Variants in ENPP5 observed in about 807,000 individuals in gnomAD.
The protein encoded by ENPP5 is ectonucleotide pyrophosphatase/phosphodiesterase family member 5.
Under a neutral mutation model 33.7 loss-of-function variants are expected in ENPP5, and 27 were observed. The ratio of observed to expected loss-of-function variants is 0.80; its 90% CI spans 0.59 to 1.11. The LOEUF is 1.11. Ranked by LOEUF, ENPP5 falls within the 50% of genes least tolerant of loss-of-function variation. ENPP5 has a pLI of 0.00. For missense variants in ENPP5, 552 were observed against 579.2 expected (o/e 0.95, Z 0.48); for synonymous variants, 199 against 200.5 (o/e 0.99, Z 0.06).
chr6:46,167,308 C>A, intron 3 of ENPP5, 126 bp downstream of exon 3: 1 of 663,616 alleles, frequency 1.5e-6, no homozygotes, highest in South Asian at 2.4e-5. Flanking sequence ...GATTAAATCC[C>A]AGAATATTAC....
In ENPP5 at chr6:46,165,532, A is replaced by T; in HGVS notation, c.861T>A (p.Thr287=). 2 of 1,598,288 alleles carry T rather than the reference A, an allele frequency of 1.3e-6. No homozygotes were observed. Among genetic ancestry groups the T allele is most frequent in the Non-Finnish European group, 1.7e-6 (2 of 1,175,262 alleles). The stretch of plus-strand genomic sequence containing the variant: ...AAACAGTAAGATTAGGATGAGCGTG[A>T]GTTAGTGCTTCATAGACTTCATCAA... ...GKFDEVYEAL[T]HAHPNLTVYK... is the part of the protein sequence containing the mutation. Residue 287 remains threonine (T), a synonymous_variant, in exon 4 of 5, where the codon ACT becomes ACA. Transcript: ENST00000371383.
intron 3 of ENPP5, 36 bp from the exon 4 acceptor site, chr6:46,165,599 T>A: frequency 4.9e-6 from 7 of 1,430,926 alleles, no homozygotes; most frequent in Non-Finnish European, 6.5e-6. Context: ...CAGAACAAAA[T>A]ACTCATAGCT....
At chr6:46,162,798 A>C (rs1764429487) in intron 4 of ENPP5, among the ~76,000 whole-genome samples, 1 of 152,312 alleles carries the variant, frequency 6.6e-6, no homozygotes, top group South Asian at 2.1e-4. Context: ...TAAAAATAGC[A>C]CTGAAATTAT....
chr6:46,165,641 G>T (rs1348762308), intron 3 of ENPP5, 78 bp from the exon 4 acceptor site: 5 of 1,163,792 alleles, frequency 4.3e-6, no homozygotes, highest in Non-Finnish European at 5.8e-6. Flanking sequence ...ACTTGCTACG[G>T]AGGTGAAAAA....
At position 46,168,073 on chromosome 6, in the gene ENPP5, C is replaced by T. The variant is rs534843460; in HGVS notation, c.190G>A (p.Val64Ile). The T allele has an allele frequency of 5.0e-6, 8 of 1,614,028 alleles. No homozygotes were observed. In the African/African-American group the frequency reaches 9.3e-5, roughly 19 times the overall value. ...GTTTTTGTAATAAAAACATTAGTAA[C>T]TTGCTTCACGTGAACACCATATTTC... ...IMKYGVHVKQ[V>I]TNVFITKTYP... is the part of the protein sequence containing the mutation. The change falls in exon 3 of 5, where the codon GTT becomes ATT. Residue 64 changes from valine to isoleucine, a missense_variant. Coordinates refer to ENST00000371383, the MANE Select transcript of ENPP5 (RefSeq NM_001290072.2).
rs1764361615 is a variant in ENPP5 at position 46,160,685 on chromosome 6, T to C, written c.*641A>G. Reference sequence around the variant, plus strand: ...GAGGGAAAAATAAATGAAAACCACGTTCTCTGGAAAGAAATAAGACAAGAA... The same window carrying C: ...GAGGGAAAAATAAATGAAAACCACGCTCTCTGGAAAGAAATAAGACAAGAA... On this transcript the variant is annotated 3_prime_UTR_variant, in exon 5 of 5. Transcript: ENST00000371383. 6.6e-6 allele frequency: 1 copy of C among 152,170 alleles called. No homozygotes were observed. Among genetic ancestry groups the C allele is most frequent in the South Asian group, 2.1e-4 (1 of 4,828 alleles). 9.4% of individuals were successfully genotyped at this position (152,170 alleles called of 1,614,324 possible).
Position 46,160,836 on chromosome 6 carries a change from G to A in ENPP5, c.*490C>T, listed in dbSNP as rs186370865. On this transcript the variant is annotated 3_prime_UTR_variant, in exon 5 of 5. Transcript: ENST00000371383. ...TCAATTTATGGAGATAGATTTCTAC[G>A]TTCATTATTCGGGATTATTAGAAAT... 164 of 155,498 alleles carry A rather than the reference G, an allele frequency of 1.1e-3. No homozygotes were observed. The highest frequency in any genetic ancestry group is 3.8e-3 in the African/African-American group (156 of 41,538). 9.6% of individuals were successfully genotyped at this position (155,498 alleles called of 1,614,324 possible).
Position 46,160,799 on chromosome 6 carries a change from C to A in ENPP5, c.*527G>T. Reference sequence around the variant, plus strand: ...ACATTTAATTTTCAACACTTATCACCTTCTTCTTCTCTCAATTTATGGAGA... The same window carrying A: ...ACATTTAATTTTCAACACTTATCACATTCTTCTTCTCTCAATTTATGGAGA... On this transcript the variant is annotated 3_prime_UTR_variant, in exon 5 of 5. Coordinates refer to ENST00000371383, the MANE Select transcript of ENPP5 (RefSeq NM_001290072.2). 1 of 154,358 alleles carries A rather than the reference C, an allele frequency of 6.5e-6. No homozygotes were observed. Among genetic ancestry groups the A allele is most frequent in the Admixed American group, 6.4e-5 (1 of 15,738 alleles). The allele number at this position is 154,358 out of a possible 1,614,324, so 9.6% of individuals were successfully genotyped here. A position where few individuals can be genotyped will look rare whatever the true frequency, so the allele number is the denominator to read the frequency against.
Position 46,159,579 on chromosome 6 carries a change from A to G in ENPP5, c.*1747T>C, listed in dbSNP as rs1230385474. On this transcript the variant is annotated 3_prime_UTR_variant, in exon 5 of 5. Coordinates refer to ENST00000371383, the MANE Select transcript of ENPP5 (RefSeq NM_001290072.2). The stretch of plus-strand genomic sequence containing the variant: ...CTTTTTAATCTATAGGCCATTTCCA[A>G]TTATTTGATTCTATTCTATTAAGAG... 7.0e-6 allele frequency: 1 copy of G among 143,084 alleles called. No homozygotes were observed. Among genetic ancestry groups the G allele is most frequent in the Admixed American group, 7.1e-5 (1 of 14,082 alleles). 8.9% of individuals were successfully genotyped at this position (143,084 alleles called of 1,614,324 possible).
intron 2 of ENPP5, among the ~76,000 whole-genome samples, chr6:46,169,533 C>G (rs960760027): frequency 2.0e-5 from 3 of 152,088 alleles, no homozygotes; most frequent in Middle Eastern, 3.2e-3. Context: ...GCTGGGACTA[C>G]AGGCGCCCGC....
Position 46,167,992 on chromosome 6 carries a change from C to T in ENPP5, c.271G>A (p.Val91Ile). ...TGLFAENHGI[V>I]ANDMFDPIRN... is the part of the protein sequence containing the mutation. ...ATAGGATCAAACATATCATTTGCAACAATCCCATGATTCTCTGCAAAGAGG... is the reference window on the plus strand; with the variant it reads ...ATAGGATCAAACATATCATTTGCAATAATCCCATGATTCTCTGCAAAGAGG... The change falls in exon 3 of 5, where the codon GTT becomes ATT. Residue 91 changes from valine (V) to isoleucine (I), a missense_variant. Transcript: ENST00000371383. The T allele has an allele frequency of 2.5e-6, 4 of 1,614,180 alleles. No homozygotes were observed. Among genetic ancestry groups the T allele is most frequent in the Non-Finnish European group, 3.4e-6 (4 of 1,180,022 alleles).
At chr6:46,166,708 T>C (rs1764558141) in intron 3 of ENPP5, among the ~76,000 whole-genome samples, 2 of 152,292 alleles carry the variant, frequency 1.3e-5, no homozygotes, top group Admixed American at 1.3e-4. Context: ...AATTCTCATT[T>C]GTGAAATATT....
chr6:46,165,520 A>C lies in ENPP5; in HGVS notation c.873T>G (p.Pro291=). 6.2e-7 allele frequency: 1 copy of C among 1,607,042 alleles called. No individual in the cohort carries two copies. The highest frequency in any genetic ancestry group is 8.5e-7 in the Non-Finnish European group (1 of 1,178,082). ...EVYEALTHAH[P]NLTVYKKEDV... ...CTTCTTTTTTGTAAACAGTAAGATT[A>C]GGATGAGCGTGAGTTAGTGCTTCAT... is the stretch of plus-strand genomic sequence containing the variant. Residue 291 remains proline (P), a synonymous_variant, in exon 4 of 5, where the codon CCT becomes CCG. Coordinates refer to ENST00000371383, the MANE Select transcript of ENPP5 (RefSeq NM_001290072.2).
Position 46,161,505 on chromosome 6 carries a change from T to C in ENPP5, c.1255A>G (p.Ser419Gly). 1 of 1,613,998 alleles carries C rather than the reference T, an allele frequency of 6.2e-7. No individual in the cohort carries two copies. Among genetic ancestry groups the C allele is most frequent in the Non-Finnish European group, 8.5e-7 (1 of 1,179,888 alleles). ...YTQSTILLPGSVKPAEYDQEG... is the reference protein window; with the variant it reads ...YTQSTILLPGGVKPAEYDQEG... ...TGGTCATATTCTGCTGGTTTAACAC[T>C]ACCAGGGAGGAGTATAGTACTCTGT... The change falls in exon 5 of 5, where the codon AGT becomes GGT. Residue 419 changes from serine to glycine, a missense_variant. Physicochemically the swap from Ser to Gly is moderately conservative, Grantham distance 56 (BLOSUM62 0). Transcript: ENST00000371383.
chr6:46,167,185 T>C (rs542774686), intron 3 of ENPP5, among the ~76,000 whole-genome samples: 1 of 152,264 alleles, frequency 6.6e-6, no homozygotes, highest in Non-Finnish European at 1.5e-5. Context: ...GGATCCAAAA[T>C]GGTTAAAACC....
chr6:46,167,115 A>G (rs889804185), intron 3 of ENPP5, among the ~76,000 whole-genome samples: 27 of 152,170 alleles, frequency 1.8e-4, no homozygotes, highest in Non-Finnish European at 3.7e-4. Context: ...CAAGTTTTGT[A>G]TGTATCTTTC....
At position 46,167,847 on chromosome 6, in the gene ENPP5, C is replaced by T; in HGVS notation, c.416G>A (p.Trp139Ter). The change falls in exon 3 of 5, where the codon TGG (tryptophan) becomes TAG (stop). Residue 139 changes from tryptophan (W) to a stop codon, truncating the protein, a stop_gained. Coordinates refer to ENST00000371383, the MANE Select transcript of ENPP5 (RefSeq NM_001290072.2). LOFTEE classifies it high-confidence loss of function. ...ATGTATTTTTACATCTGTTCCGGGC[C>T]ACATGGCTGCACCACTAGTATGTCC... is the stretch of plus-strand genomic sequence containing the variant. ...RAGHTSGAAM[W>*]PGTDVKIHKR... The T allele has an allele frequency of 1.2e-6, 2 of 1,614,176 alleles. No individual in the cohort carries two copies. The highest frequency in any genetic ancestry group is 1.7e-6 in the Non-Finnish European group (2 of 1,180,046).
In ENPP5 at chr6:46,161,363, A is replaced by G; in HGVS notation, c.1397T>C (p.Met466Thr). ...TAATGGTTGAGCTATTTCAGCATGC[A>G]TATCTTGTAAGGCAGGTATTTGACT... ...IHSQIPALQD[M>T]HAEIAQPLLQ... Residue 466 changes from methionine to threonine, a missense_variant, in exon 5 of 5, where the codon ATG becomes ACG. By Grantham distance (81) the Met-to-Thr change is moderately conservative (BLOSUM62 -1). Transcript: ENST00000371383. The G allele has an allele frequency of 1.2e-6, 2 of 1,613,704 alleles. No individual in the cohort carries two copies. The highest frequency in any genetic ancestry group is 1.7e-6 in the Non-Finnish European group (2 of 1,179,760).
At chr6:46,169,885 A>C (rs1223443559) in intron 2 of ENPP5, among the ~76,000 whole-genome samples, 168 bp downstream of exon 2, 1 of 152,156 alleles carries the variant, frequency 6.6e-6, no homozygotes, top group Admixed American at 6.6e-5. Flanking sequence ...ATACCTAGAC[A>C]TTTCTTAAAC....
Sources: allele counts gnomAD v4.1 joint callset (sites outside exome capture counted in the v4.1 genomes callset), GRCh38; gene constraint gnomAD v4.1.1; transcripts MANE v1.5; gene names NCBI Gene and HGNC (gene_info 2026-07-23, HGNC 2026-07-21).